The following C8orf89 variants were observed in gnomAD, a reference collection of about 807,000 sequenced individuals.
C8orf89 encodes the protein chromosome 8 open reading frame 89, also known as putative uncharacterized protein C8orf89.
C8orf89 carries 14 observed loss-of-function variants against 15.8 expected under a neutral mutation model. That is an observed-to-expected ratio of 0.89 (90% CI 0.59 to 1.39). C8orf89 has a LOEUF of 1.39. Among genes scored for constraint, C8orf89 ranks in the 40% most tolerant of loss-of-function variants. The pLI, the probability that C8orf89 is intolerant of heterozygous loss-of-function variation, is 0.00. For missense variants in C8orf89, 181 were observed against 184.5 expected, an observed-to-expected ratio of 0.98 and a Z score of 0.11; for synonymous variants, 55 against 62.2, an observed-to-expected ratio of 0.88 and a Z score of 0.54.
chr8:73,260,365 C>T (rs1813500236), upstream of C8orf89, among the ~76,000 whole-genome samples: 1 of 150,816 alleles, frequency 6.6e-6, no homozygotes, highest in Non-Finnish European at 1.5e-5. Flanking sequence ...GGAAGGGGAA[C>T]ATCACACCCT....
At chr8:73,283,176 G>A in the C8orf89 span, among the ~76,000 whole-genome samples, 1 of 152,220 alleles carries the variant, frequency 6.6e-6, no homozygotes, top group Non-Finnish European at 1.5e-5. Flanking sequence ...AAAAGGCAGA[G>A]AAGGAATGGA....
At chr8:73,283,269 TTAA>T in the C8orf89 span, among the ~76,000 whole-genome samples, 1 of 152,180 alleles carries the variant, frequency 6.6e-6, no homozygotes, top group African/African-American at 2.4e-5. Context: ...AAGGGAATTA[TTAA>T]TAACATTACT....
chr8:73,256,618 C>T (rs2130281821), intron 2 of C8orf89, among the ~76,000 whole-genome samples: 1 of 149,692 alleles, frequency 6.7e-6, no homozygotes, highest in African/African-American at 2.5e-5. Context: ...ATCCCAGCTA[C>T]TCAGGAGGCT....
At chr8:73,280,942 A>T in the C8orf89 span, among the ~76,000 whole-genome samples, 1 of 152,170 alleles carries the variant, frequency 6.6e-6, no homozygotes, top group African/African-American at 2.4e-5. Context: ...TACTTTCGCC[A>T]ATCAAAATGG....
chr8:73,277,570 C>A, the C8orf89 span: 2 of 762,550 alleles, frequency 2.6e-6, no homozygotes, highest in Non-Finnish European at 4.9e-6. Flanking sequence ...TCAGAAGTAC[C>A]ACACTCCCAG....
At chr8:73,274,884 G>C in the C8orf89 span, among the ~76,000 whole-genome samples, 1 of 152,136 alleles carries the variant, frequency 6.6e-6, no homozygotes, top group Non-Finnish European at 1.5e-5. Context: ...TATAGATTTA[G>C]TTTATTGATT....
intron 3 of C8orf89, among the ~76,000 whole-genome samples, chr8:73,247,196 C>A (rs533617279): frequency 1.2e-4 from 19 of 152,138 alleles, no homozygotes; most frequent in African/African-American, 4.3e-4. Flanking sequence ...CACCTCCCAC[C>A]CTCCACACCC....
At position 73,243,509 on chromosome 8, in the gene C8orf89, C is replaced by T. The variant is rs142977832; in HGVS notation, c.338-1904G>A. Among the ~76,000 whole-genome samples, 704 of 151,990 alleles carry T rather than the reference C, an allele frequency of 4.6e-3. 7 individuals are homozygous for T. The highest frequency in any genetic ancestry group is 0.016 in the African/African-American group (666 of 41,454). On this transcript the variant is annotated intron_variant, in intron 3 of 3. Transcript: ENST00000624510. Reference sequence around the variant, plus strand: ...AACACATATTTTGAATTAAAAATGCCATGTTTACTTTCTTTTTCTTTTCTT... The same window carrying T: ...AACACATATTTTGAATTAAAAATGCTATGTTTACTTTCTTTTTCTTTTCTT...
At chr8:73,247,676 C>T (rs1813156526) in intron 3 of C8orf89, among the ~76,000 whole-genome samples, 1 of 152,120 alleles carries the variant, frequency 6.6e-6, no homozygotes, top group South Asian at 2.1e-4. Flanking sequence ...TTTTGATTTG[C>T]ATTTCTCTAA....
the C8orf89 span, among the ~76,000 whole-genome samples, chr8:73,275,825 T>C: frequency 6.6e-6 from 1 of 152,184 alleles, no homozygotes. Context: ...CTTTAAATTT[T>C]GATATAGTCA....
chr8:73,256,774 T>C (rs1359290798), intron 2 of C8orf89, among the ~76,000 whole-genome samples, 199 bp downstream of exon 2: 1 of 117,322 alleles, frequency 8.5e-6, no homozygotes, highest in African/African-American at 3.1e-5. Context: ...TCTGGTAACA[T>C]CACTCGAAAA....
the C8orf89 span, among the ~76,000 whole-genome samples, chr8:73,280,005 T>C: frequency 6.6e-6 from 1 of 152,338 alleles, no homozygotes; most frequent in East Asian, 1.9e-4. Flanking sequence ...CCAAGCTGTC[T>C]CTGCTGTGCA....
At chr8:73,280,732 CAT>C in the C8orf89 span, among the ~76,000 whole-genome samples, 68 of 149,998 alleles carry the variant, frequency 4.5e-4, no homozygotes, top group Admixed American at 1.6e-3. Flanking sequence ...TATATATACA[CAT>C]ATATATATAC....
At chr8:73,283,621 CA>C in the C8orf89 span, among the ~76,000 whole-genome samples, 1 of 152,284 alleles carries the variant, frequency 6.6e-6, no homozygotes, top group Non-Finnish European at 1.5e-5. Flanking sequence ...AGTCTGTTGA[CA>C]AAAAGATAAA....
the C8orf89 span, among the ~76,000 whole-genome samples, chr8:73,285,251 G>A: frequency 6.6e-6 from 1 of 152,146 alleles, no homozygotes; most frequent in African/African-American, 2.4e-5. Flanking sequence ...ATCTGTAAGG[G>A]TGTGTCCACT....
At chr8:73,245,315 A>G (rs1006165538) in intron 3 of C8orf89, among the ~76,000 whole-genome samples, 1 of 152,258 alleles carries the variant, frequency 6.6e-6, no homozygotes, top group Non-Finnish European at 1.5e-5. Flanking sequence ...AAATCATAAT[A>G]AACATACAAA....
chr8:73,260,984 C>T (rs983452654), upstream of C8orf89, among the ~76,000 whole-genome samples: 4 of 152,150 alleles, frequency 2.6e-5, no homozygotes, highest in Admixed American at 6.5e-5. Context: ...TTCTCCCATG[C>T]TGGATGCTTC....
At chr8:73,268,409 G>A in the C8orf89 span, among the ~76,000 whole-genome samples, 1 of 152,010 alleles carries the variant, frequency 6.6e-6, no homozygotes, top group Admixed American at 6.6e-5. Context: ...AACCTGGGAG[G>A]CAGAGGTTGC....
the C8orf89 span, among the ~76,000 whole-genome samples, chr8:73,285,579 C>A: frequency 6.6e-6 from 1 of 152,262 alleles, no homozygotes; most frequent in African/African-American, 2.4e-5. Context: ...TTGGCCAGGG[C>A]TCGTCCTGAG....
Sources: allele counts gnomAD v4.1 joint callset (sites outside exome capture counted in the v4.1 genomes callset), GRCh38; gene constraint gnomAD v4.1.1; transcripts MANE v1.5; gene names NCBI Gene and HGNC (gene_info 2026-07-23, HGNC 2026-07-21).